Variants in TF observed in about 807,000 individuals in gnomAD.
TF encodes serotransferrin.
Under a neutral mutation model 82.4 loss-of-function variants are expected in TF, and 55 were observed. The observed-to-expected ratio is 0.67, with a 90% confidence interval of 0.54 to 0.84. The LOEUF is 0.84. Ranked by LOEUF, TF falls within the 40% of genes least tolerant of loss-of-function variation. TF has a pLI of 0.00. For missense variants in TF, 737 were observed against 868.4 expected (o/e 0.85, Z 1.90); for synonymous variants, 332 against 332.6 (o/e 1.00, Z 0.02).
chr3:133,684,621 C>G, the TF span, among the ~76,000 whole-genome samples: 1 of 152,112 alleles, frequency 6.6e-6, no homozygotes, highest in South Asian at 2.1e-4. Context: ...GGATAAATTC[C>G]TGGACACATA....
At chr3:133,694,683 C>T in the TF span, among the ~76,000 whole-genome samples, 3 of 152,222 alleles carry the variant, frequency 2.0e-5, no homozygotes, top group African/African-American at 7.2e-5. Flanking sequence ...CAGGACCTCC[C>T]AGCTCACAAC....
At chr3:133,678,704 G>A in the TF span, among the ~76,000 whole-genome samples, 1 of 152,146 alleles carries the variant, frequency 6.6e-6, no homozygotes, top group Admixed American at 6.5e-5. Flanking sequence ...TTTTTGATGG[G>A]GTTGTTTGCT....
chr3:133,711,594 C>T, the TF span, among the ~76,000 whole-genome samples: 1 of 152,076 alleles, frequency 6.6e-6, no homozygotes, highest in Non-Finnish European at 1.5e-5. Flanking sequence ...CACTCATCTC[C>T]CTCCCCTTTG....
upstream of TF, among the ~76,000 whole-genome samples, chr3:133,745,481 AT>A (rs1383985109): frequency 6.6e-6 from 1 of 152,230 alleles, no homozygotes; most frequent in African/African-American, 2.4e-5. Flanking sequence ...AAGTGTACAC[AT>A]TTTTTAGTTA....
chr3:133,756,794 C>T lies in TF; in HGVS notation c.692-37C>T, dbSNP rs575318531. ...AGGATGGGCACCACAGCCCATGGCT[C>T]TCCTGTGTTAAGCTCACCTGGGCTT... On this transcript the variant is annotated intron_variant, in intron 6 of 16. Coordinates refer to ENST00000402696, the MANE Select transcript of TF (RefSeq NM_001063.4). The T allele has an allele frequency of 1.2e-5, 19 of 1,613,542 alleles. No individual in the cohort carries two copies. The South Asian group carries it at 1.6e-4, about 14-fold the overall frequency.
chr3:133,694,357 C>G, the TF span: 1 of 152,894 alleles, frequency 6.5e-6, no homozygotes, highest in Non-Finnish European at 1.5e-5. Context: ...TACGCGGGAG[C>G]CTTAAGTGAG....
chr3:133,786,222 T>TAAAAAAAAAAAAAAAAAAAAAAA lies in TF; in HGVS notation c.*7620_*7621insAAAAAAAAAAAAAAAAAAAAAAA, dbSNP rs1553742153. On this transcript the variant is annotated 3_prime_UTR_variant, in exon 17 of 17. Transcript: ENST00000402696. ...AAGAATTATCAATAAAAAAATAAAT[T>TAAAAAAAAAAAAAAAAAAAAAAA]AAAAAAAAAAAAAAAAAACAATACT... 2.4e-5 allele frequency: 2 copies of TAAAAAAAAAAAAAAAAAAAAAAA among 84,352 alleles called. No homozygotes were observed. Among genetic ancestry groups the TAAAAAAAAAAAAAAAAAAAAAAA allele is most frequent in the African/African-American group, 7.9e-5 (2 of 25,396 alleles). The allele number at this position is 84,352 out of a possible 1,614,324, so 5.2% of individuals were successfully genotyped here.
the TF span, among the ~76,000 whole-genome samples, chr3:133,666,155 A>G: frequency 6.6e-6 from 1 of 152,120 alleles, no homozygotes; most frequent in Admixed American, 6.6e-5. Context: ...ATACGTATAA[A>G]TAAATGAATG....
At chr3:133,777,318 G>T in intron 16 of TF, 80 bp downstream of exon 16, 1 of 1,405,618 alleles carries the variant, frequency 7.1e-7, no homozygotes, top group South Asian at 1.2e-5. Flanking sequence ...TACAGGAGGG[G>T]TAGGCTGTGG....
the TF span, among the ~76,000 whole-genome samples, chr3:133,666,020 G>T: frequency 6.6e-6 from 1 of 151,546 alleles, no homozygotes. Context: ...TGGGTGGTGG[G>T]AATATGAATA....
At chr3:133,767,184 C>T (rs905439916) in intron 12 of TF, among the ~76,000 whole-genome samples, 1 of 152,170 alleles carries the variant, frequency 6.6e-6, no homozygotes, top group African/African-American at 2.4e-5. Context: ...CCCTTCTAAG[C>T]AGTAGAAATC....
the TF span, among the ~76,000 whole-genome samples, chr3:133,736,631 C>CAAAAAAGAA: frequency 3.4e-4 from 11 of 32,550 alleles, 1 homozygote; most frequent in South Asian, 2.4e-3. Context: ...AATGGAAAGC[C>CAAAAAAGAA]AAAAAAAAAA....
upstream of TF, among the ~76,000 whole-genome samples, chr3:133,745,304 C>G (rs1292414394): frequency 6.6e-6 from 1 of 152,206 alleles, no homozygotes; most frequent in Non-Finnish European, 1.5e-5. Flanking sequence ...GGCAAAATCT[C>G]TGAAGTCTGG....
chr3:133,672,785 C>G, the TF span, among the ~76,000 whole-genome samples: 1 of 131,348 alleles, frequency 7.6e-6, no homozygotes, highest in African/African-American at 2.9e-5. Context: ...GGGAGGGGGA[C>G]AGAAAAAGGA....
the TF span, among the ~76,000 whole-genome samples, chr3:133,707,222 ACG>A: frequency 7.2e-3 from 1,096 of 151,692 alleles, 15 homozygotes; most frequent in African/African-American, 0.025. Flanking sequence ...ACACACACAC[ACG>A]CATGGAAAGA....
chr3:133,727,513 T>C, the TF span, among the ~76,000 whole-genome samples: 34 of 111,902 alleles, frequency 3.0e-4, no homozygotes, highest in African/African-American at 1.1e-3. Flanking sequence ...GCTTGGTAGA[T>C]CTTCCTCCAT....
the TF span, among the ~76,000 whole-genome samples, chr3:133,696,240 G>C: frequency 6.4e-4 from 97 of 152,064 alleles, no homozygotes; most frequent in African/African-American, 2.2e-3. Context: ...AGGCTACAGC[G>C]AGCTATGATC....
chr3:133,729,385 G>A, the TF span, among the ~76,000 whole-genome samples: 6 of 152,186 alleles, frequency 3.9e-5, no homozygotes, highest in Non-Finnish European at 5.9e-5. Context: ...CCCCAGCCTC[G>A]CTGCTGCCTT....
chr3:133,784,472 AAT>A lies in TF; in HGVS notation c.*5854_*5855del, dbSNP rs1491065586. 2.0e-4 allele frequency: 17 copies of A among 83,014 alleles called. No homozygotes were observed. The highest frequency in any genetic ancestry group is 3.8e-4 in the South Asian group (1 of 2,656). 5.1% of individuals were successfully genotyped at this position (83,014 alleles called of 1,614,324 possible). ...CTTGTAAATTCCCATTTGTTAAAAA[AAT>A]AATAATAATAATAATAATAATAATA... On this transcript the variant is annotated 3_prime_UTR_variant, in exon 17 of 17. Transcript: ENST00000402696.
Sources: allele counts gnomAD v4.1 joint callset (sites outside exome capture counted in the v4.1 genomes callset), GRCh38; gene constraint gnomAD v4.1.1; transcripts MANE v1.5; gene names NCBI Gene and HGNC (gene_info 2026-07-23, HGNC 2026-07-21).